Variants in FAM163B observed in about 807,000 individuals in gnomAD.
The protein encoded by FAM163B is family with sequence similarity 163 member B.
In FAM163B, 4 loss-of-function variants were observed where a neutral mutation model predicts 7.6. That is an observed-to-expected ratio of 0.52 (90% CI 0.26 to 1.20). FAM163B has a LOEUF of 1.20. Ranked by LOEUF, FAM163B falls within the 50% of genes most tolerant of loss-of-function variation. The pLI is 0.14. For synonymous variants in FAM163B, 120 were observed against 111.6 expected (o/e 1.07, Z -0.47); for missense variants, 250 against 243.0 (o/e 1.03, Z -0.19).
rs950248211 is a variant in FAM163B, at chr9:133,578,885, G to A, written c.*137C>T. 1.7e-4 allele frequency: 240 copies of A among 1,411,716 alleles called. No homozygotes were observed. The highest frequency in any genetic ancestry group is 2.2e-4 in the Non-Finnish European group (233 of 1,082,078). 87.4% of individuals were successfully genotyped at this position (1,411,716 alleles called of 1,614,324 possible). On this transcript the variant is annotated 3_prime_UTR_variant, in exon 3 of 3. Transcript: ENST00000673969. ...ACGAGCCTGGGGGCTCCCCAAGCCT[G>A]GGCCTCCCCTGAGGACAGGGATTCC...
At chr9:133,590,482 A>G (rs1250046062) in intron 1 of FAM163B, among the ~76,000 whole-genome samples, 1 of 152,148 alleles carries the variant, frequency 6.6e-6, no homozygotes, top group African/African-American at 2.4e-5. Flanking sequence ...AGGCACTTTG[A>G]GCATCCTCAT....
intron 1 of FAM163B, among the ~76,000 whole-genome samples, chr9:133,597,135 A>G (rs2131253190): frequency 6.6e-6 from 1 of 152,256 alleles, no homozygotes; most frequent in East Asian, 1.9e-4. Flanking sequence ...TACAAACCAC[A>G]GTGAACAGAA....
intron 1 of FAM163B, among the ~76,000 whole-genome samples, chr9:133,602,651 T>C (rs1278041928): frequency 6.6e-6 from 1 of 152,228 alleles, no homozygotes; most frequent in African/African-American, 2.4e-5. Context: ...GGAACTCTCA[T>C]GTGGGAAGTT....
rs184208937 is a variant in FAM163B at position 133,608,129 on chromosome 9, C to T, written c.-24+948G>A. Among the ~76,000 whole-genome samples the T allele has an allele frequency of 2.6e-5, 4 of 152,290 alleles. No individual in the cohort carries two copies. The East Asian group carries it at 5.8e-4, about 22-fold the overall frequency. On this transcript the variant is annotated intron_variant, in intron 1 of 2. Transcript: ENST00000673969. The stretch of plus-strand genomic sequence containing the variant: ...CAAGGGAGAAGGCTGGCAGGGTGGC[C>T]CGCTGGCTCTCCTGAGCTCCTGCTT...
At chr9:133,590,596 G>A (rs549424459) in intron 1 of FAM163B, among the ~76,000 whole-genome samples, 126 of 152,324 alleles carry the variant, frequency 8.3e-4, no homozygotes, top group African/African-American at 2.9e-3. Context: ...GATAATGTTC[G>A]AGAAAACTCC....
chr9:133,597,851 A>G (rs1831654488), intron 1 of FAM163B, among the ~76,000 whole-genome samples: 1 of 152,088 alleles, frequency 6.6e-6, no homozygotes, highest in African/African-American at 2.4e-5. Context: ...CTAAAAAAAA[A>G]GAAGGCCGTC....
chr9:133,603,010 G>T (rs371030485), intron 1 of FAM163B, among the ~76,000 whole-genome samples: 16 of 152,312 alleles, frequency 1.1e-4, no homozygotes, highest in Admixed American at 3.9e-4. Flanking sequence ...CAGGGCGGAG[G>T]GGGGGCCAGC....
chr9:133,603,618 C>T (rs181466704), intron 1 of FAM163B, among the ~76,000 whole-genome samples: 1 of 152,304 alleles, frequency 6.6e-6, no homozygotes, highest in Admixed American at 6.5e-5. Flanking sequence ...CAGACTAGTC[C>T]TCCTGCCTCC....
At chr9:133,593,940 C>T (rs950930958) in intron 1 of FAM163B, among the ~76,000 whole-genome samples, 2 of 152,252 alleles carry the variant, frequency 1.3e-5, no homozygotes, top group Non-Finnish European at 2.9e-5. Context: ...CATCCACTCC[C>T]CCTCTGCCAC....
At chr9:133,591,094 G>A (rs181001010) in intron 1 of FAM163B, among the ~76,000 whole-genome samples, 71 of 152,282 alleles carry the variant, frequency 4.7e-4, no homozygotes, top group African/African-American at 1.5e-3. Flanking sequence ...GCCCAAGCCC[G>A]GACCACCCCA....
At chr9:133,580,027 T>C in intron 2 of FAM163B, 104 bp downstream of exon 2, 1 of 939,812 alleles carries the variant, frequency 1.1e-6, no homozygotes, top group Non-Finnish European at 1.6e-6. Context: ...CTTCCCCACT[T>C]CCCGGGCCGT....
At position 133,579,991 on chromosome 9, in the gene FAM163B, CTG is replaced by C. The variant is rs1479971613; in HGVS notation, c.93+138_93+139del. The stretch of plus-strand genomic sequence containing the variant: ...CATGGTAGGGTCCTGCTGCCTTCTG[CTG>C]TGTGTCTTCTCTGCCACAGGGCTCT... On this transcript the variant is annotated intron_variant, in intron 2 of 2. Transcript: ENST00000673969. 33 of 686,468 alleles carry C rather than the reference CTG, an allele frequency of 4.8e-5. No homozygotes were observed. In the Middle Eastern group the frequency reaches 1.2e-3, roughly 24 times the overall value. 42.5% of individuals were successfully genotyped at this position (686,468 alleles called of 1,614,324 possible). A position where few individuals can be genotyped will look rare whatever the true frequency, so the allele number is the denominator to read the frequency against.
chr9:133,606,616 C>G lies in FAM163B; in HGVS notation c.-24+2461G>C, dbSNP rs1831792756. 6.6e-6 allele frequency among the ~76,000 whole-genome samples: 1 copy of G among 152,214 alleles called. No homozygotes were observed. On this transcript the variant is annotated intron_variant, in intron 1 of 2. Coordinates refer to ENST00000673969, the MANE Select transcript of FAM163B (RefSeq NM_001080515.3). This position sits in a 1 kb window ranked among gnomAD's most constrained non-coding sequence, Gnocchi z 4.0. ...GGATGCGGAATGATGCACCCGTGGT[C>G]TGGCCTGGAAACCACTCTCTCTGCC...
At chr9:133,602,405 C>T (rs754260017) in intron 1 of FAM163B, among the ~76,000 whole-genome samples, 2 of 81,434 alleles carry the variant, frequency 2.5e-5, no homozygotes, top group Non-Finnish European at 4.7e-5. Flanking sequence ...GAGCATCTGG[C>T]TGGTTCTGTG....
At chr9:133,586,279 G>C (rs1345927558) in intron 1 of FAM163B, 1 of 152,374 alleles carries the variant, frequency 6.6e-6, no homozygotes, top group East Asian at 1.9e-4. Context: ...CAGCTGCGGG[G>C]GGAAGAGGGG....
chr9:133,607,289 G>A (rs982756372), intron 1 of FAM163B, among the ~76,000 whole-genome samples: 4 of 152,168 alleles, frequency 2.6e-5, no homozygotes, highest in African/African-American at 4.8e-5. Flanking sequence ...GACAGAACTC[G>A]AGTCCCGACT....
chr9:133,589,731 G>T (rs1485806493), intron 1 of FAM163B, among the ~76,000 whole-genome samples: 1 of 152,006 alleles, frequency 6.6e-6, no homozygotes, highest in Non-Finnish European at 1.5e-5. Context: ...TTGCCCTCGT[G>T]ACCCCCACCC....
Position 133,601,402 on chromosome 9 carries a change from G to A in FAM163B, c.-24+7675C>T, listed in dbSNP as rs1831727723. On this transcript the variant is annotated intron_variant, in intron 1 of 2. Transcript: ENST00000673969. The surrounding 1 kb of genome is among the most constrained non-coding windows in gnomAD (Gnocchi z 4.1). Reference sequence around the variant, plus strand: ...ATTTTTAAACGAGTGGAGGTGTGCTGTTGAAAGGGTCTGTCTTGCAGGTGA... The same window carrying A: ...ATTTTTAAACGAGTGGAGGTGTGCTATTGAAAGGGTCTGTCTTGCAGGTGA... 6.6e-6 allele frequency among the ~76,000 whole-genome samples: 1 copy of A among 152,214 alleles called. No homozygotes were observed. Among genetic ancestry groups the A allele is most frequent in the African/African-American group, 2.4e-5 (1 of 41,440 alleles).
intron 1 of FAM163B, among the ~76,000 whole-genome samples, chr9:133,581,109 G>T (rs1356461692): frequency 6.6e-6 from 1 of 152,144 alleles, no homozygotes; most frequent in African/African-American, 2.4e-5. Context: ...CAAACACAAC[G>T]CAGGGAGGCT....
Sources: gnomAD v4.1 joint callset for allele counts (sites outside exome capture counted in the v4.1 genomes callset) on GRCh38, gnomAD v4.1.1 for gene constraint, Gnocchi (gnomAD v3.1) non-coding constraint, MANE v1.5 for transcripts, NCBI Gene and HGNC (gene_info 2026-07-23, HGNC 2026-07-21) for gene names.